The following NUFIP1 variants were observed in gnomAD, a reference collection of about 807,000 sequenced individuals.
NUFIP1 encodes the protein FMR1-interacting protein NUFIP1.
NUFIP1 carries 38 observed loss-of-function variants against 56.2 expected under a neutral mutation model. The observed-to-expected ratio is 0.68, with a 90% confidence interval of 0.52 to 0.89. NUFIP1 has a LOEUF of 0.89. Among genes scored for constraint, NUFIP1 ranks in the 40% least tolerant of loss-of-function variants. The pLI is 0.00. For missense variants in NUFIP1, 567 were observed against 605.8 expected (o/e 0.94, Z 0.67); for synonymous variants, 215 against 212.4 (o/e 1.01, Z -0.10).
At chr13:44,959,950 G>C (rs1018232972) in intron 6 of NUFIP1, among the ~76,000 whole-genome samples, 1 of 106,372 alleles carries the variant, frequency 9.4e-6, no homozygotes, top group Non-Finnish European at 1.9e-5. Context: ...TTTTTTTTTT[G>C]AGACAGAATC....
At chr13:44,971,921 T>TA (rs1342034384) in intron 5 of NUFIP1, among the ~76,000 whole-genome samples, 1 of 146,808 alleles carries the variant, frequency 6.8e-6, no homozygotes, top group African/African-American at 2.4e-5. Flanking sequence ...ATTTTTTTTT[T>TA]AACCTTGGGA....
Position 44,989,244 on chromosome 13 carries a change from A to T in NUFIP1, c.193T>A (p.Ser65Thr), listed in dbSNP as rs1348304415. Reference sequence around the variant, plus strand: ...GACTGGGCCTCCATGGGGGGCTGCGACTCAGAGGAAGGCTTTGACCCGGCT... The same window carrying T: ...GACTGGGCCTCCATGGGGGGCTGCGTCTCAGAGGAAGGCTTTGACCCGGCT... ...PAAGSKPSSE[S>T]QPPMEAQSLP... Residue 65 changes from serine (S) to threonine (T), a missense_variant, in exon 1 of 10, where the codon TCG (serine) becomes ACG (threonine). Transcript: ENST00000379161. 2 of 1,612,994 alleles carry T rather than the reference A, an allele frequency of 1.2e-6. No homozygotes were observed.
rs752532973 is a variant in NUFIP1 at position 44,980,775 on chromosome 13, G to A, written c.541C>T (p.Arg181Cys). The change falls in exon 3 of 10, where the codon CGT becomes TGT. Residue 181 changes from arginine to cysteine, a missense_variant. Physicochemically the swap from Arg to Cys is radical, Grantham distance 180. Coordinates refer to ENST00000379161, the MANE Select transcript of NUFIP1 (RefSeq NM_012345.3). ...VFHFFCDTCD[R>C]GFKNQEKYDK... ...TACTTTTCTTGATTTTTAAAACCAC[G>A]ATCACAGGTATCACAAAAAAAGTGA... The A allele has an allele frequency of 5.0e-6, 8 of 1,603,830 alleles. 1 individual carries two copies. The highest frequency in any genetic ancestry group is 1.7e-5 in the Admixed American group (1 of 57,188).
At chr13:44,961,081 G>A (rs992601412) in intron 6 of NUFIP1, among the ~76,000 whole-genome samples, 2 of 150,172 alleles carry the variant, frequency 1.3e-5, no homozygotes, top group Admixed American at 6.6e-5. Flanking sequence ...AAGAAAGCAC[G>A]TATTTATGTG....
chr13:44,963,907 A>G (rs968296896), intron 6 of NUFIP1, among the ~76,000 whole-genome samples: 1 of 152,158 alleles, frequency 6.6e-6, no homozygotes, highest in Non-Finnish European at 1.5e-5. Flanking sequence ...TAACATTACA[A>G]AATATTCCTA....
chr13:44,956,320 T>C (rs901791404), intron 7 of NUFIP1, among the ~76,000 whole-genome samples: 5 of 151,832 alleles, frequency 3.3e-5, no homozygotes, highest in African/African-American at 4.8e-5. Flanking sequence ...CAGTGAAAAG[T>C]TAAAGAACCT....
chr13:44,941,399 C>A (rs769268728), intron 9 of NUFIP1, 77 bp from the exon 10 acceptor site: 2 of 767,706 alleles, frequency 2.6e-6, no homozygotes, highest in South Asian at 1.7e-5. Context: ...ATTGCATGTA[C>A]CCTCACCATA....
chr13:44,974,354 G>C (rs535700361), intron 5 of NUFIP1, among the ~76,000 whole-genome samples: 19 of 152,250 alleles, frequency 1.2e-4, no homozygotes, highest in Middle Eastern at 3.4e-3. Context: ...AAATAGGCTG[G>C]GTAGGAAGTG....
chr13:44,974,032 T>A (rs1008127699), intron 5 of NUFIP1, among the ~76,000 whole-genome samples: 3 of 152,218 alleles, frequency 2.0e-5, no homozygotes, highest in African/African-American at 7.2e-5. Context: ...AAAAATAAAA[T>A]CAGTTTAACA....
intron 5 of NUFIP1, among the ~76,000 whole-genome samples, chr13:44,975,899 G>A (rs1436656804): frequency 6.6e-6 from 1 of 152,216 alleles, no homozygotes. Context: ...TAGAAGAACC[G>A]AAGTTGGCAA....
chr13:44,948,678 A>G (rs1870974776), intron 8 of NUFIP1, among the ~76,000 whole-genome samples: 3 of 152,206 alleles, frequency 2.0e-5, no homozygotes. Context: ...ACCTTGGATT[A>G]AAAACTGCTA....
chr13:44,970,972 G>A (rs565847093), intron 5 of NUFIP1, among the ~76,000 whole-genome samples: 1 of 152,186 alleles, frequency 6.6e-6, no homozygotes, highest in South Asian at 2.1e-4. Flanking sequence ...CACCACGCCC[G>A]GCCCATAATA....
intron 5 of NUFIP1, among the ~76,000 whole-genome samples, chr13:44,975,617 T>C (rs1241991772): frequency 1.3e-5 from 2 of 152,228 alleles, no homozygotes; most frequent in Admixed American, 6.5e-5. Context: ...TTGAACATGC[T>C]AACCTCTGTC....
chr13:44,950,574 T>C (rs1044772799), intron 7 of NUFIP1, among the ~76,000 whole-genome samples: 3 of 152,196 alleles, frequency 2.0e-5, no homozygotes, highest in Non-Finnish European at 4.4e-5. Flanking sequence ...CTCAAACTCC[T>C]GGCCTCAAGT....
chr13:44,988,923 G>A (rs1374847461), intron 1 of NUFIP1, 102 bp downstream of exon 1: 2 of 1,197,064 alleles, frequency 1.7e-6, no homozygotes, highest in Non-Finnish European at 2.4e-6. Context: ...GACTCCAAGA[G>A]TGCAGAGGCA....
At chr13:44,941,931 G>C (rs957850570) in intron 9 of NUFIP1, among the ~76,000 whole-genome samples, 8 of 151,182 alleles carry the variant, frequency 5.3e-5, no homozygotes, top group African/African-American at 1.9e-4. Flanking sequence ...TTTTGAGACA[G>C]AGTTCCACTC....
chr13:44,956,674 C>T (rs1040509617), intron 7 of NUFIP1, among the ~76,000 whole-genome samples: 4 of 152,106 alleles, frequency 2.6e-5, no homozygotes, highest in Non-Finnish European at 5.9e-5. Context: ...ATAGGGTTCA[C>T]GCTCCTATGA....
intron 6 of NUFIP1, among the ~76,000 whole-genome samples, chr13:44,960,410 A>T (rs934105565): frequency 1.3e-5 from 2 of 151,496 alleles, no homozygotes; most frequent in South Asian, 2.1e-4. Context: ...CTGGGACTAC[A>T]GGCACCCACC....
intron 7 of NUFIP1, among the ~76,000 whole-genome samples, chr13:44,956,603 A>G (rs1871253122): frequency 6.6e-6 from 1 of 152,180 alleles, no homozygotes; most frequent in Non-Finnish European, 1.5e-5. Context: ...GTGACAGATA[A>G]TCAGGCATTA....
Sources: allele counts gnomAD v4.1 joint callset (sites outside exome capture counted in the v4.1 genomes callset), GRCh38; gene constraint gnomAD v4.1.1; transcripts MANE v1.5; gene names NCBI Gene and HGNC (gene_info 2026-07-23, HGNC 2026-07-21).